The following GRSF1 variants were observed in gnomAD, a reference collection of about 807,000 sequenced individuals.
GRSF1 encodes G-rich RNA sequence binding factor 1.
A neutral mutation model predicts 51.1 loss-of-function variants in GRSF1; 50 were observed. The ratio of observed to expected loss-of-function variants is 0.98; its 90% confidence interval spans 0.78 to 1.24. The LOEUF is 1.24. Among genes scored for constraint, GRSF1 ranks in the 50% most tolerant of loss-of-function variants. The probability of loss-of-function intolerance (pLI) is 0.00; values close to 1 mark genes in which losing one functional copy is unlikely to be tolerated. For synonymous variants in GRSF1, 293 were observed against 253.3 expected, an observed-to-expected ratio of 1.16 and a Z score of -1.49; for missense variants, 700 against 639.7, an observed-to-expected ratio of 1.09 and a Z score of -1.02.
chr4:70,819,682 G>A lies in GRSF1; in HGVS notation c.*1205C>T, dbSNP rs1480988249. 2.0e-5 allele frequency: 3 copies of A among 152,574 alleles called. No homozygotes were observed. The highest frequency in any genetic ancestry group is 4.4e-5 in the Non-Finnish European group (3 of 68,024). The allele number at this position is 152,574 out of a possible 1,614,324, so 9.5% of individuals were successfully genotyped here. A position where few individuals can be genotyped will look rare whatever the true frequency, so the allele number is the denominator to read the frequency against. On this transcript the variant is annotated 3_prime_UTR_variant, in exon 10 of 10. Coordinates refer to ENST00000254799, the MANE Select transcript of GRSF1 (RefSeq NM_002092.4). ...GAAACCTGGGCAAATTTAATTTTAA[G>A]AACTAGAACTGCATCTCCTGGTGGC...
chr4:70,837,196 G>GT (rs1734248650), intron 1 of GRSF1, among the ~76,000 whole-genome samples: 1 of 152,190 alleles, frequency 6.6e-6, no homozygotes, highest in Admixed American at 6.5e-5. Context: ...ATCGGATTAA[G>GT]TAAAACTGGA....
chr4:70,839,657 CGCGGCGGCCCCGAGCAGCAGCAGCAG>C lies in GRSF1; in HGVS notation c.145_170del (p.Leu49GlyfsTer77), dbSNP rs1734384408. On this transcript the variant is annotated frameshift_variant, in exon 1 of 10. Coordinates refer to ENST00000254799, the MANE Select transcript of GRSF1 (RefSeq NM_002092.4). LOFTEE classifies it high-confidence loss of function. ...GGCCACGCGTCTGGGAGGCAGCGGCCGCGGCGGCCCCGAGCAGCAGCAGCAGGCGGCGGCGGCCCGAGACGCCCGAC... is the reference window on the plus strand; with the variant it reads ...GGCCACGCGTCTGGGAGGCAGCGGCCGCGGCGGCGGCCCGAGACGCCCGAC... 3 of 1,396,948 alleles carry C rather than the reference CGCGGCGGCCCCGAGCAGCAGCAGCAG, an allele frequency of 2.1e-6. No individual in the cohort carries two copies. The highest frequency in any genetic ancestry group is 2.8e-6 in the Non-Finnish European group (3 of 1,088,880). 86.5% of individuals were successfully genotyped at this position (1,396,948 alleles called of 1,614,324 possible).
rs1051121473 is a variant in GRSF1, at chr4:70,824,382, G to A, written c.1394-14C>T. 1.8e-5 allele frequency: 24 copies of A among 1,368,750 alleles called. No individual in the cohort carries two copies. Among genetic ancestry groups the A allele is most frequent in the Non-Finnish European group, 1.6e-5 (16 of 973,648 alleles). The allele number at this position is 1,368,750 out of a possible 1,614,324, so 84.8% of individuals were successfully genotyped here. On this transcript the variant is annotated splice_polypyrimidine_tract_variant and intron_variant, in intron 8 of 9. Coordinates refer to ENST00000254799, the MANE Select transcript of GRSF1 (RefSeq NM_002092.4). ...TATACCTATGATCTGAGGATAATGA[G>A]AAAGATTAGTTTTAAAAAGTTGAAA...
chr4:70,819,381 A>T lies in GRSF1; in HGVS notation c.*1506T>A, dbSNP rs915951224. On this transcript the variant is annotated 3_prime_UTR_variant, in exon 10 of 10. Transcript: ENST00000254799. Reference sequence around the variant, plus strand: ...TTCCATCTAGGCAGTACTACTGATGATGTTAAGCTGGTTAAGTCATGTTCA... The same window carrying T: ...TTCCATCTAGGCAGTACTACTGATGTTGTTAAGCTGGTTAAGTCATGTTCA... 6.6e-6 allele frequency: 1 copy of T among 152,198 alleles called. No individual in the cohort carries two copies. The highest frequency in any genetic ancestry group is 1.5e-5 in the Non-Finnish European group (1 of 68,038). The allele number at this position is 152,198 out of a possible 1,614,324, so 9.4% of individuals were successfully genotyped here.
intron 9 of GRSF1, among the ~76,000 whole-genome samples, chr4:70,821,559 T>A (rs6850570): frequency 2.2e-5 from 3 of 139,234 alleles, no homozygotes; most frequent in African/African-American, 8.1e-5. Context: ...TAAGCGGAGA[T>A]CACACCACTG....
At position 70,815,964 on chromosome 4, in the gene GRSF1, G is replaced by A. The variant is rs1229905991; in HGVS notation, c.*4923C>T. The A allele has an allele frequency of 6.6e-6, 1 of 152,164 alleles. No individual in the cohort carries two copies. Among genetic ancestry groups the A allele is most frequent in the African/African-American group, 2.4e-5 (1 of 41,430 alleles). The allele number at this position is 152,164 out of a possible 1,614,324, so 9.4% of individuals were successfully genotyped here. A position where few individuals can be genotyped will look rare whatever the true frequency, so the allele number is the denominator to read the frequency against. ...ACTGATGAACATACAAACATGCTGA[G>A]TAAAAGGAACTTACAGAATACATAC... On this transcript the variant is annotated 3_prime_UTR_variant, in exon 10 of 10. Transcript: ENST00000254799.
chr4:70,839,278 CCGA>C (rs1455002934), intron 1 of GRSF1, 190 bp downstream of exon 1: 1 of 1,493,982 alleles, frequency 6.7e-7, no homozygotes, highest in South Asian at 1.2e-5. Flanking sequence ...AGCAGAAGAC[CCGA>C]CGCCTGGGAG....
upstream of GRSF1, chr4:70,839,920 T>C (rs1664898774): frequency 8.9e-7 from 1 of 1,127,806 alleles, no homozygotes; most frequent in Non-Finnish European, 1.2e-6. Context: ...GGGTGGGGTG[T>C]GCCTGGCACA....
rs554861195 is a variant in GRSF1, at chr4:70,820,422, T to C, written c.*465A>G. ...TCAAAGGTCTGAAACCGTTCTTTGCTTTGGTGAATGTTTGGTTAAAATAAA... is the reference window on the plus strand; with the variant it reads ...TCAAAGGTCTGAAACCGTTCTTTGCCTTGGTGAATGTTTGGTTAAAATAAA... On this transcript the variant is annotated 3_prime_UTR_variant, in exon 10 of 10. Coordinates refer to ENST00000254799, the MANE Select transcript of GRSF1 (RefSeq NM_002092.4). 6.5e-6 allele frequency: 1 copy of C among 152,770 alleles called. No homozygotes were observed. The highest frequency in any genetic ancestry group is 1.9e-4 in the East Asian group (1 of 5,192). The allele number at this position is 152,770 out of a possible 1,614,324, so 9.5% of individuals were successfully genotyped here.
intron 9 of GRSF1, 136 bp from the exon 10 acceptor site, chr4:70,820,997 A>G (rs921888625): frequency 1.3e-5 from 2 of 152,264 alleles, no homozygotes; most frequent in African/African-American, 2.4e-5. Context: ...AAACCGAGTT[A>G]AAGTGAGGAA....
intron 1 of GRSF1, chr4:70,839,159 C>G (rs1734352913): frequency 7.5e-7 from 1 of 1,341,198 alleles, no homozygotes; most frequent in African/African-American, 1.5e-5. Flanking sequence ...GGGGCGTCAG[C>G]AGCCTCACGA....
intron 1 of GRSF1, 76 bp downstream of exon 1, chr4:70,839,395 G>C: frequency 1.3e-6 from 2 of 1,508,614 alleles, no homozygotes; most frequent in South Asian, 2.4e-5. Flanking sequence ...GCACACGGAG[G>C]GACGGAGGGG....
rs1734209206 is a variant in GRSF1 at position 70,836,339 on chromosome 4, A to G, written c.358-25T>C. 2.7e-6 allele frequency: 4 copies of G among 1,486,558 alleles called. No homozygotes were observed. The East Asian group carries it at 1.0e-4, about 37-fold the overall frequency. 92.1% of individuals were successfully genotyped at this position (1,486,558 alleles called of 1,614,324 possible). On this transcript the variant is annotated intron_variant, in intron 1 of 9. Coordinates refer to ENST00000254799, the MANE Select transcript of GRSF1 (RefSeq NM_002092.4). The stretch of plus-strand genomic sequence containing the variant: ...CCTTCCAAAGGAAATGAAGAATTGT[A>G]AAAAGAGTTGCATTTACAGGTAAAA...
At chr4:70,835,783 A>G (rs1336217167) in intron 2 of GRSF1, among the ~76,000 whole-genome samples, 3 of 152,136 alleles carry the variant, frequency 2.0e-5, no homozygotes, top group Admixed American at 6.5e-5. Flanking sequence ...TGTTGCATTC[A>G]AAGTCTTTAT....
chr4:70,831,395 T>A, intron 5 of GRSF1, 144 bp downstream of exon 5: 1 of 634,576 alleles, frequency 1.6e-6, no homozygotes. Flanking sequence ...AAATTGTTAA[T>A]CTAAATTATG....
At chr4:70,842,732 C>T (rs150942657), upstream of GRSF1, among the ~76,000 whole-genome samples, 23 of 152,252 alleles carry the variant, frequency 1.5e-4, no homozygotes, top group East Asian at 4.2e-3. Flanking sequence ...CCCTCATTTT[C>T]TTAATAGCAG....
chr4:70,832,510 A>T (rs571003916), intron 3 of GRSF1, 60 bp from the exon 4 acceptor site: 11 of 972,394 alleles, frequency 1.1e-5, no homozygotes, highest in African/African-American at 8.1e-5. Flanking sequence ...CAAACCCATT[A>T]AAAAAAATCA....
intron 2 of GRSF1, 72 bp downstream of exon 2, chr4:70,836,086 A>AACAT: frequency 1.1e-6 from 1 of 888,198 alleles, no homozygotes. Flanking sequence ...ACATACTTAA[A>AACAT]ACATACATAC....
chr4:70,832,274 T>C (rs762879223), intron 4 of GRSF1, 33 bp downstream of exon 4: 32 of 1,589,984 alleles, frequency 2.0e-5, no homozygotes, highest in Non-Finnish European at 2.7e-5. Flanking sequence ...AAAAAAGATA[T>C]GAGCTCCCAA....
Sources: gnomAD v4.1 joint callset for allele counts (sites outside exome capture counted in the v4.1 genomes callset) on GRCh38, gnomAD v4.1.1 for gene constraint, MANE v1.5 for transcripts, NCBI Gene and HGNC (gene_info 2026-07-23, HGNC 2026-07-21) for gene names.